The following NIBAN1 variants were observed in gnomAD, a reference collection of about 807,000 sequenced individuals.
The protein encoded by NIBAN1 is niban apoptosis regulator 1.
In NIBAN1, 81 loss-of-function variants were observed where a neutral mutation model predicts 75.1. That is an observed-to-expected ratio of 1.08 (90% confidence interval 0.90 to 1.30). The LOEUF is 1.30. Among genes scored for constraint, NIBAN1 ranks in the 50% most tolerant of loss-of-function variants. NIBAN1 has a pLI of 0.00. For synonymous variants in NIBAN1, 436 were observed against 424.8 expected (o/e 1.03, Z -0.32); for missense variants, 1,133 against 1,128.1 (o/e 1.00, Z -0.06).
chr1:184,899,333 T>C (rs1656885924), intron 1 of NIBAN1, 24 bp from the exon 2 acceptor site: 1 of 1,612,474 alleles, frequency 6.2e-7, no homozygotes, highest in African/African-American at 1.3e-5. Context: ...AAAATTAGAA[T>C]TCTTAAGTAT....
chr1:184,875,299 C>T (rs935103092), intron 5 of NIBAN1, among the ~76,000 whole-genome samples: 4 of 152,150 alleles, frequency 2.6e-5, no homozygotes, highest in Non-Finnish European at 5.9e-5. Context: ...TATTATCTCT[C>T]ATAGTTTTTA....
intron 11 of NIBAN1, among the ~76,000 whole-genome samples, chr1:184,804,715 T>A (rs887238800): frequency 6.6e-6 from 1 of 152,216 alleles, no homozygotes; most frequent in Admixed American, 6.5e-5. Context: ...ACTATCTTTT[T>A]TTTTTTAGTT....
intron 1 of NIBAN1, among the ~76,000 whole-genome samples, chr1:184,958,460 C>T (rs1159521126): frequency 6.6e-6 from 1 of 152,012 alleles, no homozygotes; most frequent in Non-Finnish European, 1.5e-5. Flanking sequence ...AATGTTTCCA[C>T]TTAGCTCATT....
intron 5 of NIBAN1, among the ~76,000 whole-genome samples, chr1:184,833,428 G>C (rs1655050559): frequency 6.6e-6 from 1 of 152,024 alleles, no homozygotes; most frequent in Non-Finnish European, 1.5e-5. Context: ...ACAGTGGCCA[G>C]GCATGGTGGT....
chr1:184,957,652 C>T (rs116015517), intron 1 of NIBAN1, among the ~76,000 whole-genome samples: 2,665 of 152,254 alleles, frequency 0.018, 71 homozygotes, highest in African/African-American at 0.06. Context: ...AATTATATCA[C>T]ATTTATTACA....
chr1:184,958,466 T>C (rs1361602902), intron 1 of NIBAN1, among the ~76,000 whole-genome samples: 3 of 151,994 alleles, frequency 2.0e-5, no homozygotes, highest in African/African-American at 7.3e-5. Flanking sequence ...TCCACTTAGC[T>C]CATTTAAGGT....
At chr1:184,969,494 A>G (rs1221241542) in intron 1 of NIBAN1, among the ~76,000 whole-genome samples, 1 of 152,172 alleles carries the variant, frequency 6.6e-6, no homozygotes, top group Non-Finnish European at 1.5e-5. Context: ...AAAAGGGAAG[A>G]AAAGTCGCCT....
chr1:184,883,213 C>T (rs1345655350), intron 5 of NIBAN1, among the ~76,000 whole-genome samples: 3 of 152,198 alleles, frequency 2.0e-5, no homozygotes, highest in South Asian at 2.1e-4. Context: ...ATGTCACCTG[C>T]TCATACAGGA....
At chr1:184,860,738 G>C (rs1161833496) in intron 5 of NIBAN1, among the ~76,000 whole-genome samples, 2 of 152,182 alleles carry the variant, frequency 1.3e-5, no homozygotes, top group Admixed American at 1.3e-4. Flanking sequence ...GTGGAGCCAA[G>C]ATCTGAATCC....
intron 4 of NIBAN1, among the ~76,000 whole-genome samples, chr1:184,887,128 ATCAG>A (rs1457347326): frequency 6.6e-6 from 1 of 152,172 alleles, no homozygotes; most frequent in Admixed American, 6.5e-5. Context: ...CTCAAAATCA[ATCAG>A]TCAATCAATC....
intron 5 of NIBAN1, among the ~76,000 whole-genome samples, chr1:184,872,186 T>C (rs1352492591): frequency 2.0e-5 from 3 of 151,980 alleles, no homozygotes; most frequent in Admixed American, 6.6e-5. Context: ...TTTTTAAAAA[T>C]TGGAAATATA....
At chr1:184,798,973 C>A (rs1000787409) in intron 12 of NIBAN1, among the ~76,000 whole-genome samples, 1 of 152,102 alleles carries the variant, frequency 6.6e-6, no homozygotes, top group Admixed American at 6.5e-5. Flanking sequence ...TGTTTATCTG[C>A]ACTCAGGTTG....
intron 1 of NIBAN1, among the ~76,000 whole-genome samples, chr1:184,949,646 A>G (rs917842094): frequency 3.3e-5 from 5 of 152,200 alleles, no homozygotes; most frequent in African/African-American, 9.6e-5. Flanking sequence ...TGCTTGTCCA[A>G]CTAACTATAA....
intron 5 of NIBAN1, 100 bp from the exon 6 acceptor site, chr1:184,832,062 A>G: frequency 1.2e-6 from 1 of 809,370 alleles, no homozygotes; most frequent in Non-Finnish European, 2.1e-6. Context: ...TTATCTGAAA[A>G]TGACAAGGCA....
At chr1:184,912,305 T>C (rs1054637153) in intron 1 of NIBAN1, among the ~76,000 whole-genome samples, 1 of 152,206 alleles carries the variant, frequency 6.6e-6, no homozygotes. Context: ...ATACAATCAA[T>C]GCTGATGTGA....
chr1:184,857,549 A>G (rs926522092), intron 5 of NIBAN1, among the ~76,000 whole-genome samples: 3 of 152,224 alleles, frequency 2.0e-5, no homozygotes, highest in Non-Finnish European at 2.9e-5. Flanking sequence ...TAAATTCACA[A>G]TGAGAATATA....
intron 5 of NIBAN1, among the ~76,000 whole-genome samples, chr1:184,872,911 A>T (rs1260833999): frequency 6.6e-6 from 1 of 152,210 alleles, no homozygotes; most frequent in African/African-American, 2.4e-5. Flanking sequence ...ATCTGTAGGT[A>T]AGACACATTC....
At chr1:184,813,752 A>G (rs1199517662) in intron 9 of NIBAN1, among the ~76,000 whole-genome samples, 1 of 152,244 alleles carries the variant, frequency 6.6e-6, no homozygotes, top group Non-Finnish European at 1.5e-5. Context: ...GGTGCTTCAT[A>G]AGCTGCCACT....
At chr1:184,811,466 C>A (rs567925024) in intron 9 of NIBAN1, among the ~76,000 whole-genome samples, 131 of 150,442 alleles carry the variant, frequency 8.7e-4, no homozygotes, top group African/African-American at 2.8e-3. Context: ...GTGGAATGTT[C>A]CGAAAGAACA....
Sources: allele counts gnomAD v4.1 joint callset (sites outside exome capture counted in the v4.1 genomes callset), GRCh38; gene constraint gnomAD v4.1.1; transcripts MANE v1.5; gene names NCBI Gene and HGNC (gene_info 2026-07-23, HGNC 2026-07-21).